The following ACO1 variants were observed in gnomAD, a reference collection of about 807,000 sequenced individuals.
ACO1 encodes the protein aconitase 1, also known as cytoplasmic aconitate hydratase.
ACO1 carries 78 observed loss-of-function variants against 105.1 expected under a neutral mutation model. That is an observed-to-expected ratio of 0.74 (90% CI 0.62 to 0.90). The LOEUF (loss-of-function observed/expected upper bound fraction) is 0.90. ACO1 is among the 40% of genes least tolerant of loss of function. ACO1 has a pLI of 0.00. For missense variants in ACO1, 965 were observed against 1,111.1 expected, an observed-to-expected ratio of 0.87 and a Z score of 1.87; for synonymous variants, 364 against 397.4, an observed-to-expected ratio of 0.92 and a Z score of 1.00.
intron 4 of ACO1, among the ~76,000 whole-genome samples, chr9:32,410,311 C>A (rs1587526029): frequency 6.6e-6 from 1 of 152,146 alleles, no homozygotes; most frequent in East Asian, 1.9e-4. Flanking sequence ...GTAATCCCAG[C>A]ACTTTGGGAG....
In ACO1 at chr9:32,448,212, C is replaced by T. The variant is rs562562892; in HGVS notation, c.2371-684C>T. ...GTTATCTATAAGTACCTGACTGGGGCTGCTGCCTTTTTTTCAGAGATGCCC... is the reference window on the plus strand; with the variant it reads ...GTTATCTATAAGTACCTGACTGGGGTTGCTGCCTTTTTTTCAGAGATGCCC... On this transcript the variant is annotated intron_variant, in intron 19 of 20. Transcript: ENST00000309951. 3.3e-5 allele frequency among the ~76,000 whole-genome samples: 5 copies of T among 152,344 alleles called. No individual in the cohort carries two copies. The South Asian group carries it at 6.2e-4, about 19-fold the overall frequency.
At chr9:32,395,968 G>A (rs905552226) in intron 1 of ACO1, among the ~76,000 whole-genome samples, 1 of 152,222 alleles carries the variant, frequency 6.6e-6, no homozygotes, top group Non-Finnish European at 1.5e-5. Context: ...CAGAACTAGG[G>A]GAGCCCTCAA....
chr9:32,407,234 GT>G, intron 2 of ACO1, 26 bp from the exon 3 acceptor site: 1 of 1,610,812 alleles, frequency 6.2e-7, no homozygotes, highest in Non-Finnish European at 8.5e-7. Context: ...CACAGGTTTT[GT>G]TTATTTTGTC....
intron 19 of ACO1, among the ~76,000 whole-genome samples, chr9:32,441,312 G>A (rs564473196): frequency 1.3e-5 from 2 of 152,228 alleles, no homozygotes; most frequent in East Asian, 3.9e-4. Context: ...AAGCAGAGAA[G>A]AATCATGCCA....
intron 17 of ACO1, among the ~76,000 whole-genome samples, chr9:32,435,719 C>T (rs543409585): frequency 6.6e-6 from 1 of 152,298 alleles, no homozygotes; most frequent in South Asian, 2.1e-4. Context: ...ATTTTTCTCT[C>T]ATGAAAGTTG....
intron 4 of ACO1, among the ~76,000 whole-genome samples, chr9:32,413,928 T>TC (rs1432638751): frequency 6.6e-6 from 1 of 151,856 alleles, no homozygotes; most frequent in East Asian, 1.9e-4. Flanking sequence ...GGCAGGGGGA[T>TC]CATGAGGTCA....
Position 32,439,609 on chromosome 9 carries a change from T to C in ACO1, c.2248-856T>C, listed in dbSNP as rs1822435449. Reference sequence around the variant, plus strand: ...ATCTGTTTGTATAAGATGTTTCTCATGTACTAAAATATTAATCTTTTTCTA... The same window carrying C: ...ATCTGTTTGTATAAGATGTTTCTCACGTACTAAAATATTAATCTTTTTCTA... On this transcript the variant is annotated intron_variant, in intron 18 of 20. Coordinates refer to ENST00000309951, the MANE Select transcript of ACO1 (RefSeq NM_002197.3). This position sits in a 1 kb window ranked among gnomAD's most constrained non-coding sequence, Gnocchi z 4.0. 6.6e-6 allele frequency among the ~76,000 whole-genome samples: 1 copy of C among 152,268 alleles called. No individual in the cohort carries two copies. The highest frequency in any genetic ancestry group is 6.5e-5 in the Admixed American group (1 of 15,286).
chr9:32,424,838 C>T (rs190791147), intron 10 of ACO1, among the ~76,000 whole-genome samples, 173 bp downstream of exon 10: 32 of 152,306 alleles, frequency 2.1e-4, no homozygotes, highest in South Asian at 8.3e-4. Context: ...ACGAGCCAAG[C>T]GGCAAGAGCC....
intron 13 of ACO1, 101 bp from the exon 14 acceptor site, chr9:32,430,317 A>T: frequency 2.4e-6 from 3 of 1,230,050 alleles, no homozygotes; most frequent in Non-Finnish European, 3.4e-6. Flanking sequence ...GGCAGCTTAA[A>T]GGACTGTATC....
At chr9:32,419,537 T>G (rs1217201368) in intron 7 of ACO1, among the ~76,000 whole-genome samples, 3 of 152,254 alleles carry the variant, frequency 2.0e-5, no homozygotes, top group African/African-American at 7.2e-5. Context: ...AAAGAAATAA[T>G]ATGTAATATC....
chr9:32,410,538 C>T (rs1048133995), intron 4 of ACO1, among the ~76,000 whole-genome samples: 8 of 150,830 alleles, frequency 5.3e-5, no homozygotes, highest in East Asian at 2.0e-4. Context: ...CCAGCCTGGG[C>T]GACAGAGCAA....
intron 4 of ACO1, among the ~76,000 whole-genome samples, chr9:32,416,339 C>T (rs1017205656): frequency 5.3e-5 from 8 of 151,994 alleles, no homozygotes; most frequent in Admixed American, 2.6e-4. Flanking sequence ...GTGATCTGCC[C>T]GCCTCAGCCT....
chr9:32,390,656 TA>T (rs1821248827), intron 1 of ACO1, among the ~76,000 whole-genome samples: 1 of 152,192 alleles, frequency 6.6e-6, no homozygotes, highest in Non-Finnish European at 1.5e-5. Context: ...TCCATCACAT[TA>T]AAAGAAAAAT....
chr9:32,428,102 CCT>C (rs1376406898), intron 12 of ACO1, among the ~76,000 whole-genome samples: 1 of 137,888 alleles, frequency 7.3e-6, no homozygotes, highest in Non-Finnish European at 1.6e-5. Flanking sequence ...TAGTGGGACC[CCT>C]GTTTCTACAA....
intron 1 of ACO1, among the ~76,000 whole-genome samples, chr9:32,386,811 C>T (rs1237487252): frequency 6.6e-6 from 1 of 151,768 alleles, no homozygotes; most frequent in African/African-American, 2.4e-5. Flanking sequence ...TTTTATTGGC[C>T]ACCTATTTCT....
At chr9:32,448,469 G>C (rs1587561533) in intron 19 of ACO1, among the ~76,000 whole-genome samples, 1 of 152,234 alleles carries the variant, frequency 6.6e-6, no homozygotes, top group Non-Finnish European at 1.5e-5. Flanking sequence ...CTCCTTGTGG[G>C]TGGGACCCAC....
intron 12 of ACO1, 113 bp from the exon 13 acceptor site, chr9:32,429,306 T>G (rs775181582): frequency 1.2e-6 from 1 of 860,102 alleles, no homozygotes; most frequent in Non-Finnish European, 1.9e-6. Flanking sequence ...TGAACTTAGT[T>G]CATGCACTGC....
chr9:32,446,221 C>T (rs934995609), intron 19 of ACO1, among the ~76,000 whole-genome samples: 29 of 152,100 alleles, frequency 1.9e-4, no homozygotes, highest in African/African-American at 6.5e-4. Context: ...AAGTCTCCCA[C>T]TATTATTGTG....
intron 2 of ACO1, among the ~76,000 whole-genome samples, chr9:32,406,330 A>G (rs1821609494): frequency 6.6e-6 from 1 of 152,204 alleles, no homozygotes; most frequent in Non-Finnish European, 1.5e-5. Context: ...ACTTGTCAAC[A>G]TTTAACATAG....
Sources: allele counts gnomAD v4.1 joint callset (sites outside exome capture counted in the v4.1 genomes callset), GRCh38; gene constraint gnomAD v4.1.1; non-coding constraint Gnocchi (gnomAD v3.1); transcripts MANE v1.5; gene names NCBI Gene and HGNC (gene_info 2026-07-23, HGNC 2026-07-21).